TMEM132B: variants seen among roughly 807,000 people sequenced by gnomAD.
TMEM132B encodes transmembrane protein 132B.
TMEM132B carries 18 observed loss-of-function variants against 90.8 expected under a neutral mutation model. That is an observed-to-expected ratio of 0.20 (90% CI 0.14 to 0.29). The LOEUF is 0.29. Ranked by LOEUF, TMEM132B falls within the 10% of genes least tolerant of loss-of-function variation. The probability of loss-of-function intolerance (pLI) is 1.00; values close to 1 mark genes in which losing one functional copy is unlikely to be tolerated. For synonymous variants in TMEM132B, 504 were observed against 523.3 expected (o/e 0.96, Z 0.50); for missense variants, 1,096 against 1,326.8 (o/e 0.83, Z 2.70).
intron 1 of TMEM132B, among the ~76,000 whole-genome samples, chr12:125,234,170 C>A (rs1873881847): frequency 6.6e-6 from 1 of 152,156 alleles, no homozygotes; most frequent in Non-Finnish European, 1.5e-5. Context: ...AGGGATAGTG[C>A]TGGGCTGTGT....
chr12:125,427,418 G>C (rs1880350436), intron 3 of TMEM132B, among the ~76,000 whole-genome samples: 1 of 152,218 alleles, frequency 6.6e-6, no homozygotes. Flanking sequence ...ATGTAGCTAG[G>C]ACTGGTGGAC....
intron 1 of TMEM132B, among the ~76,000 whole-genome samples, chr12:125,286,808 C>G (rs533616916): frequency 1.3e-5 from 2 of 152,006 alleles, no homozygotes; most frequent in East Asian, 3.9e-4. Context: ...GGTTTAAGTG[C>G]TTCTCCTGCC....
chr12:125,231,147 C>A (rs377028836), intron 1 of TMEM132B, among the ~76,000 whole-genome samples: 3 of 151,962 alleles, frequency 2.0e-5, no homozygotes, highest in African/African-American at 4.8e-5. Context: ...CAATCCTTGG[C>A]GTACCTTGGT....
At chr12:125,535,985 A>G (rs1316605642) in intron 4 of TMEM132B, among the ~76,000 whole-genome samples, 1 of 152,204 alleles carries the variant, frequency 6.6e-6, no homozygotes, top group Admixed American at 6.5e-5. Flanking sequence ...GTGGGCTGTT[A>G]AGAATTCCCC....
In TMEM132B at chr12:125,277,518, CACACACACACAT is replaced by C. The variant is rs1875027649; in HGVS notation, c.68-71922_68-71911del. Among the ~76,000 whole-genome samples the C allele has an allele frequency of 6.6e-6, 1 of 151,246 alleles. No individual in the cohort carries two copies. The highest frequency in any genetic ancestry group is 2.1e-4 in the South Asian group (1 of 4,770). ...AAGAGGGAGAACACACACACACACACACACACACACATACACACACACACGGGAAGGCCATGT... is the reference window on the plus strand; with the variant it reads ...AAGAGGGAGAACACACACACACACACACACACACACACGGGAAGGCCATGT... On this transcript the variant is annotated intron_variant, in intron 1 of 8. Transcript: ENST00000682704. The surrounding 1 kb of genome is among the most constrained non-coding windows in gnomAD (Gnocchi z 4.3).
At chr12:125,244,389 G>A (rs186267480) in intron 1 of TMEM132B, among the ~76,000 whole-genome samples, 1,541 of 152,306 alleles carry the variant, frequency 0.01, 10 homozygotes, top group Non-Finnish European at 0.015. Flanking sequence ...CCGCGCTATG[G>A]GGAGAGGATG....
chr12:125,405,045 C>T (rs927403169), intron 2 of TMEM132B, among the ~76,000 whole-genome samples: 1 of 152,204 alleles, frequency 6.6e-6, no homozygotes, highest in Admixed American at 6.5e-5. Context: ...ACCCTTGCAG[C>T]AGCCTCACGA....
intron 2 of TMEM132B, among the ~76,000 whole-genome samples, chr12:125,403,847 C>T (rs1372561672): frequency 6.6e-6 from 1 of 152,184 alleles, no homozygotes; most frequent in African/African-American, 2.4e-5. Context: ...AGTTGACCAG[C>T]TAAGCCCATG....
rs778478222 is a variant in TMEM132B, at chr12:125,349,590, C to T, written c.206C>T (p.Ser69Phe). The T allele has an allele frequency of 6.2e-7, 1 of 1,614,170 alleles. No individual in the cohort carries two copies. ...KEANQDLTRNSSLQARVEPFF... is the reference protein window; with the variant it reads ...KEANQDLTRNFSLQARVEPFF... ...GCCAACCAAGACCTCACAAGGAACT[C>T]CAGTCTGCAGGCCCGGGTGGAGCCA... The change falls in exon 2 of 9, where the codon TCC becomes TTC. Residue 69 changes from serine to phenylalanine, a missense_variant. Transcript: ENST00000682704. The surrounding 1 kb of genome is among the most constrained non-coding windows in gnomAD (Gnocchi z 4.1).
chr12:125,507,942 C>T (rs909000449), intron 3 of TMEM132B, among the ~76,000 whole-genome samples: 3 of 152,050 alleles, frequency 2.0e-5, no homozygotes, highest in Non-Finnish European at 2.9e-5. Context: ...CGGCAAGAGA[C>T]GATGGTGACT....
chr12:125,210,653 G>A (rs959200494), intron 1 of TMEM132B, among the ~76,000 whole-genome samples: 34 of 152,174 alleles, frequency 2.2e-4, no homozygotes, highest in African/African-American at 6.5e-4. Flanking sequence ...AGGGGACAGG[G>A]AAGATACTAG....
chr12:125,248,042 G>T (rs997574346), intron 1 of TMEM132B, among the ~76,000 whole-genome samples: 2 of 152,202 alleles, frequency 1.3e-5, no homozygotes, highest in Non-Finnish European at 2.9e-5. Flanking sequence ...CATGGCAGAA[G>T]ACTTTACATA....
intron 3 of TMEM132B, among the ~76,000 whole-genome samples, chr12:125,427,346 C>T (rs1211640551): frequency 1.3e-5 from 2 of 152,162 alleles, no homozygotes; most frequent in Admixed American, 6.5e-5. Flanking sequence ...GAAGAAGATA[C>T]CACTCTTGGC....
rs1489053549 is a variant in TMEM132B at position 125,443,723 on chromosome 12, AC to A, written c.1106+28047del. ...AAGCAGATTTATAGCTATGGTAGTT[AC>A]ATTTTTTTCAGTGTCAACAGATGCC... is the stretch of plus-strand genomic sequence containing the variant. On this transcript the variant is annotated intron_variant, in intron 3 of 8. Transcript: ENST00000682704. Among the ~76,000 whole-genome samples the A allele has an allele frequency of 7.3e-5, 11 of 151,178 alleles. No individual in the cohort carries two copies. In the South Asian group the frequency reaches 2.1e-3, roughly 28 times the overall value.
At chr12:125,340,917 T>G (rs1877159186) in intron 1 of TMEM132B, among the ~76,000 whole-genome samples, 1 of 152,194 alleles carries the variant, frequency 6.6e-6, no homozygotes, top group Non-Finnish European at 1.5e-5. Flanking sequence ...ATTGTGGAAA[T>G]GATGTCATGC....
chr12:125,295,097 A>T (rs893793861), intron 1 of TMEM132B, among the ~76,000 whole-genome samples: 1 of 152,380 alleles, frequency 6.6e-6, no homozygotes, highest in East Asian at 1.9e-4. Flanking sequence ...GAAGTGAACA[A>T]AAGTTAACGA....
At chr12:125,338,075 T>C (rs1034494818) in intron 1 of TMEM132B, among the ~76,000 whole-genome samples, 1 of 152,248 alleles carries the variant, frequency 6.6e-6, no homozygotes, top group Non-Finnish European at 1.5e-5. Context: ...TTTTACTTAT[T>C]TGCATTAAAA....
intron 1 of TMEM132B, chr12:125,326,659 T>C (rs1462747813): frequency 6.2e-7 from 1 of 1,608,180 alleles, no homozygotes; most frequent in Non-Finnish European, 8.5e-7. Flanking sequence ...ACACCACTGC[T>C]GTCTGCACCG....
chr12:125,430,630 G>A (rs1024582191), intron 3 of TMEM132B, among the ~76,000 whole-genome samples: 1 of 152,160 alleles, frequency 6.6e-6, no homozygotes, highest in Non-Finnish European at 1.5e-5. Flanking sequence ...AGGTCTTCAC[G>A]ACGGTCATCT....
Sources: gnomAD v4.1 joint callset for allele counts (sites outside exome capture counted in the v4.1 genomes callset) on GRCh38, gnomAD v4.1.1 for gene constraint, Gnocchi (gnomAD v3.1) non-coding constraint, MANE v1.5 for transcripts, NCBI Gene and HGNC (gene_info 2026-07-23, HGNC 2026-07-21) for gene names.